Variants in NPTN observed in about 807,000 individuals in gnomAD.
NPTN encodes SDR-1.
Under a neutral mutation model 42.7 loss-of-function variants are expected in NPTN, and 5 were observed. The ratio of observed to expected loss-of-function variants is 0.12; its 90% confidence interval spans 0.06 to 0.25. The LOEUF is 0.25. Ranked by LOEUF, NPTN falls within the 10% of genes least tolerant of loss-of-function variation. The pLI is 1.00. For missense variants in NPTN, 307 were observed against 525.4 expected, an observed-to-expected ratio of 0.58 and a Z score of 4.06; for synonymous variants, 180 against 201.9, an observed-to-expected ratio of 0.89 and a Z score of 0.92.
chr15:73,622,491 A>G (rs1156391299), intron 1 of NPTN, among the ~76,000 whole-genome samples: 1 of 150,944 alleles, frequency 6.6e-6, no homozygotes, highest in African/African-American at 2.4e-5. Context: ...GAAGAGGGAG[A>G]ATTGTTTTAA....
chr15:73,583,489 A>G (rs1896160545), intron 4 of NPTN, among the ~76,000 whole-genome samples: 1 of 152,188 alleles, frequency 6.6e-6, no homozygotes, highest in African/African-American at 2.4e-5. Context: ...AGAGAAAAGG[A>G]ACAAATAATG....
intron 4 of NPTN, among the ~76,000 whole-genome samples, chr15:73,584,854 A>G (rs1355958984): frequency 3.3e-5 from 5 of 151,932 alleles, no homozygotes; most frequent in African/African-American, 1.2e-4. Context: ...CCTATCCTCC[A>G]AATTCCTTTC....
At chr15:73,609,435 C>G (rs1294380133) in intron 1 of NPTN, among the ~76,000 whole-genome samples, 1 of 152,118 alleles carries the variant, frequency 6.6e-6, no homozygotes, top group Admixed American at 6.5e-5. Context: ...TCAAGAGCAG[C>G]CTGGCCAACA....
At chr15:73,614,049 C>T (rs916567419) in intron 1 of NPTN, among the ~76,000 whole-genome samples, 4 of 151,914 alleles carry the variant, frequency 2.6e-5, no homozygotes, top group South Asian at 2.1e-4. Flanking sequence ...TGGTGGCTCA[C>T]GCCTATAATC....
intron 1 of NPTN, among the ~76,000 whole-genome samples, chr15:73,614,970 C>T (rs540674434): frequency 6.6e-6 from 1 of 152,210 alleles, no homozygotes; most frequent in South Asian, 2.1e-4. Flanking sequence ...TGTTTTCTAA[C>T]AAGCAAGGGA....
At chr15:73,609,588 G>A (rs1282199291) in intron 1 of NPTN, among the ~76,000 whole-genome samples, 4 of 152,118 alleles carry the variant, frequency 2.6e-5, no homozygotes, top group African/African-American at 7.2e-5. Context: ...CCGAGACGGC[G>A]CCATTGTACT....
At chr15:73,596,813 CA>C (rs1896854633) in intron 2 of NPTN, among the ~76,000 whole-genome samples, 1 of 151,044 alleles carries the variant, frequency 6.6e-6, no homozygotes, top group African/African-American at 2.4e-5. Flanking sequence ...ATAAGGGAGG[CA>C]GAGAGAACGG....
chr15:73,565,759 AGT>A, intron 6 of NPTN: 1 of 456,446 alleles, frequency 2.2e-6, no homozygotes, highest in Non-Finnish European at 4.4e-6. Flanking sequence ...ACCTTATGAG[AGT>A]GAAGTTACCG....
chr15:73,569,694 T>A lies in NPTN; in HGVS notation c.1114+456A>T, dbSNP rs1407747067. The A allele has an allele frequency of 3.7e-5, 36 of 985,320 alleles. No homozygotes were observed. Among genetic ancestry groups the A allele is most frequent in the Non-Finnish European group, 4.0e-5 (33 of 829,938 alleles). 61.0% of individuals were successfully genotyped at this position (985,320 alleles called of 1,614,324 possible). A position where few individuals can be genotyped will look rare whatever the true frequency, so the allele number is the denominator to read the frequency against. ...CTACAGGGGCTACACCAGGCAACCATGTGACAACCAGTTAGATACCTTAAA... is the reference window on the plus strand; with the variant it reads ...CTACAGGGGCTACACCAGGCAACCAAGTGACAACCAGTTAGATACCTTAAA... On this transcript the variant is annotated intron_variant, in intron 6 of 8. Transcript: ENST00000345330. The surrounding 1 kb of genome is among the most constrained non-coding windows in gnomAD (Gnocchi z 4.1).
At chr15:73,604,178 TA>T (rs934407663) in intron 1 of NPTN, among the ~76,000 whole-genome samples, 1 of 151,256 alleles carries the variant, frequency 6.6e-6, no homozygotes, top group Non-Finnish European at 1.5e-5. Flanking sequence ...AAGTATGATT[TA>T]AAAAAAAACA....
intron 1 of NPTN, among the ~76,000 whole-genome samples, chr15:73,607,545 CCT>C (rs565058873): frequency 1.1e-4 from 16 of 152,272 alleles, no homozygotes; most frequent in African/African-American, 3.6e-4. Flanking sequence ...CTTCTCCCCA[CCT>C]TTTTTTAAAC....
intron 5 of NPTN, among the ~76,000 whole-genome samples, chr15:73,572,344 G>A (rs1487947026): frequency 1.3e-5 from 2 of 152,182 alleles, no homozygotes; most frequent in South Asian, 2.1e-4. Context: ...CGCTTGACAC[G>A]CTCTCTGACA....
chr15:73,580,411 A>T (rs865876124), intron 4 of NPTN, among the ~76,000 whole-genome samples: 5 of 97,958 alleles, frequency 5.1e-5, no homozygotes, highest in African/African-American at 9.3e-5. Context: ...TATATATATA[A>T]TATATATATA....
intron 3 of NPTN, among the ~76,000 whole-genome samples, chr15:73,590,712 A>G (rs1302682888): frequency 6.6e-6 from 1 of 152,034 alleles, no homozygotes; most frequent in Non-Finnish European, 1.5e-5. Context: ...CAGTGAGCTG[A>G]GACTGTACTA....
intron 1 of NPTN, among the ~76,000 whole-genome samples, chr15:73,620,341 A>G (rs1042474327): frequency 1.3e-5 from 2 of 152,188 alleles, no homozygotes; most frequent in African/African-American, 4.8e-5. Flanking sequence ...CTAGGGACTA[A>G]GTACTATAAT....
Position 73,597,329 on chromosome 15 carries a change from C to T in NPTN, c.132G>A (p.Thr44=), listed in dbSNP as rs757376976. 7 of 1,613,562 alleles carry T rather than the reference C, an allele frequency of 4.3e-6. No homozygotes were observed. The highest frequency in any genetic ancestry group is 2.2e-5 in the East Asian group (1 of 44,828). ...CACAGTACAGCTCAAAGGCGTCCCC[C>T]GTGAGCTTAGTTTCTGACATGGGCG... ...VKSPMSETKL[T]GDAFELYCDV... is the part of the protein sequence containing the mutation. The change falls in exon 2 of 9, where the codon ACG becomes ACA. Residue 44 remains threonine (T), a synonymous_variant. Coordinates refer to ENST00000345330, the MANE Select transcript of NPTN (RefSeq NM_012428.4). This position sits in a 1 kb window ranked among gnomAD's most constrained non-coding sequence, Gnocchi z 6.3.
intron 1 of NPTN, among the ~76,000 whole-genome samples, chr15:73,623,286 C>T (rs550763651): frequency 6.6e-6 from 1 of 152,308 alleles, no homozygotes; most frequent in African/African-American, 2.4e-5. Flanking sequence ...ATATCACAGG[C>T]AAGTCCTAAA....
At position 73,569,964 on chromosome 15, in the gene NPTN, TAAAATA is replaced by T. The variant is rs201362270; in HGVS notation, c.1114+180_1114+185del. Among the ~76,000 whole-genome samples, 2,142 of 151,842 alleles carry T rather than the reference TAAAATA, an allele frequency of 0.014. 25 individuals carry two copies. The highest frequency in any genetic ancestry group is 0.053 in the East Asian group (274 of 5,164). On this transcript the variant is annotated intron_variant, in intron 6 of 8. Transcript: ENST00000345330. The surrounding 1 kb of genome is among the most constrained non-coding windows in gnomAD (Gnocchi z 4.1). ...ATGGCTAATGCAAAAAAAATAAAAA[TAAAATA>T]AAAATAAAAAATAAAAATAAAAAAC...
intron 3 of NPTN, among the ~76,000 whole-genome samples, chr15:73,589,629 G>A (rs1222526213): frequency 2.0e-5 from 3 of 151,968 alleles, no homozygotes; most frequent in African/African-American, 7.2e-5. Flanking sequence ...AATCTCTACT[G>A]CACTATTTAA....
Sources: gnomAD v4.1 joint callset for allele counts (sites outside exome capture counted in the v4.1 genomes callset) on GRCh38, gnomAD v4.1.1 for gene constraint, Gnocchi (gnomAD v3.1) non-coding constraint, MANE v1.5 for transcripts, NCBI Gene and HGNC (gene_info 2026-07-23, HGNC 2026-07-21) for gene names.